IQCM: variants seen among roughly 807,000 people sequenced by gnomAD.
IQCM encodes the protein IQ motif containing M, also known as IQ domain-containing protein M.
In IQCM, 45 loss-of-function variants were observed where a neutral mutation model predicts 57.6. The ratio of observed to expected loss-of-function variants is 0.78; its 90% confidence interval spans 0.62 to 1.00. The LOEUF (loss-of-function observed/expected upper bound fraction) is 1.00, where lower values mean the gene tolerates loss of function less well. IQCM is among the 50% of genes least tolerant of loss of function. The pLI is 0.00. For missense variants in IQCM, 468 were observed against 511.6 expected (o/e 0.91, Z 0.82); for synonymous variants, 148 against 158.9 (o/e 0.93, Z 0.51).
intron 7 of IQCM, among the ~76,000 whole-genome samples, chr4:149,659,973 T>G (rs1249266570): frequency 6.6e-6 from 1 of 151,242 alleles, no homozygotes; most frequent in Non-Finnish European, 1.5e-5. Flanking sequence ...AAGCCAAAAT[T>G]GACAAATGGG....
At position 149,640,327 on chromosome 4, in the gene IQCM, C is replaced by A. The variant is rs576769415; in HGVS notation, c.566-19083G>T. 2.0e-5 allele frequency among the ~76,000 whole-genome samples: 3 copies of A among 152,180 alleles called. No homozygotes were observed. In the South Asian group the frequency reaches 6.2e-4, roughly 32 times the overall value. ...ATACTCTATTAGTTACTTTAAAATG[C>A]AGAACAATATTGTATTAAATTATTC... On this transcript the variant is annotated intron_variant, in intron 7 of 13. Transcript: ENST00000636793.
intron 7 of IQCM, among the ~76,000 whole-genome samples, chr4:149,670,829 A>G (rs1457592824): frequency 3.3e-5 from 5 of 152,264 alleles, no homozygotes; most frequent in East Asian, 1.9e-4. Context: ...GATGAAGCCA[A>G]TTCTATCATG....
At chr4:149,388,502 A>ATATATATTATACATATATATTATATATAT (rs1319450333) in intron 13 of IQCM, among the ~76,000 whole-genome samples, 4 of 143,482 alleles carry the variant, frequency 2.8e-5, no homozygotes, top group African/African-American at 5.1e-5. Context: ...GTCCAAATAT[A>ATATATATTATACATATATATTATATATAT]TATATATTAT....
chr4:149,475,665 G>A (rs1392240501), intron 12 of IQCM, among the ~76,000 whole-genome samples: 1 of 151,998 alleles, frequency 6.6e-6, no homozygotes, highest in African/African-American at 2.4e-5. Context: ...CAGCAAAGGA[G>A]AATGAGAATG....
At chr4:149,814,646 T>C (rs570323414) in intron 2 of IQCM, among the ~76,000 whole-genome samples, 44 of 152,120 alleles carry the variant, frequency 2.9e-4, no homozygotes, top group Non-Finnish European at 5.3e-4. Flanking sequence ...CTAAAACCAC[T>C]ATTCACCTCT....
chr4:149,785,136 AAAT>A (rs1771962184), intron 2 of IQCM, among the ~76,000 whole-genome samples: 1 of 152,198 alleles, frequency 6.6e-6, no homozygotes, highest in Admixed American at 6.5e-5. Flanking sequence ...TAGGCAGGAA[AAAT>A]AATAACTTTT....
At chr4:149,532,003 G>A (rs1394951055) in intron 12 of IQCM, among the ~76,000 whole-genome samples, 1 of 151,948 alleles carries the variant, frequency 6.6e-6, no homozygotes, top group East Asian at 1.9e-4. Context: ...TGCCTGACAC[G>A]AGGGCCAGCT....
At chr4:149,766,619 A>G (rs1428418736) in intron 2 of IQCM, among the ~76,000 whole-genome samples, 1 of 152,140 alleles carries the variant, frequency 6.6e-6, no homozygotes, top group Non-Finnish European at 1.5e-5. Context: ...ACTATCAGAA[A>G]ATAAAGCCCA....
chr4:149,786,137 C>G (rs990973490), intron 2 of IQCM, among the ~76,000 whole-genome samples: 2 of 152,140 alleles, frequency 1.3e-5, no homozygotes, highest in Admixed American at 1.3e-4. Context: ...CATTTCTGGA[C>G]TTTGGAAATC....
In IQCM at chr4:149,441,607, C is replaced by T. The variant is rs77354498; in HGVS notation, c.1229-8050G>A. 1.1e-3 allele frequency among the ~76,000 whole-genome samples: 175 copies of T among 152,188 alleles called. 1 individual carries two copies. The highest frequency in any genetic ancestry group is 4.1e-3 in the African/African-American group (172 of 41,542). On this transcript the variant is annotated intron_variant, in intron 12 of 13. Coordinates refer to ENST00000636793, the MANE Select transcript of IQCM (RefSeq NM_001363507.2). ...TCCTGCCTGTACACTTTTGGGAGTC[C>T]AGAAGCCTTCTTTCCATTAATACGG...
rs550859744 is a variant in IQCM, at chr4:149,462,217, G to C, written c.1229-28660C>G. ...TTCTGCACTTCTAACATAAGCCCAA[G>C]TGACATCAATGTAGCGGATACCACC... On this transcript the variant is annotated intron_variant, in intron 12 of 13. Transcript: ENST00000636793. Among the ~76,000 whole-genome samples, 6 of 152,280 alleles carry C rather than the reference G, an allele frequency of 3.9e-5. No individual in the cohort carries two copies. In the East Asian group the frequency reaches 1.2e-3, roughly 29 times the overall value.
chr4:149,502,408 AT>A (rs1485428860), intron 12 of IQCM, among the ~76,000 whole-genome samples: 1 of 152,158 alleles, frequency 6.6e-6, no homozygotes, highest in Non-Finnish European at 1.5e-5. Context: ...AAGGCTCATG[AT>A]TTAAACCCAA....
rs532201487 is a variant in IQCM at position 149,507,265 on chromosome 4, C to T, written c.1228+41190G>A. On this transcript the variant is annotated intron_variant, in intron 12 of 13. Transcript: ENST00000636793. The stretch of plus-strand genomic sequence containing the variant: ...AGTAAATTGGAACAGCAGAGTGAGG[C>T]GCTGCTGGAAAGATATCTGAAAGTG... Among the ~76,000 whole-genome samples, 20 of 152,210 alleles carry T rather than the reference C, an allele frequency of 1.3e-4. No homozygotes were observed. The East Asian group carries it at 2.3e-3, about 18-fold the overall frequency.
At chr4:149,556,222 A>G (rs1749564566) in intron 10 of IQCM, among the ~76,000 whole-genome samples, 2 of 152,174 alleles carry the variant, frequency 1.3e-5, no homozygotes, top group South Asian at 4.1e-4. Context: ...CTTAATGGAC[A>G]AATGTATTAT....
intron 8 of IQCM, among the ~76,000 whole-genome samples, chr4:149,609,409 A>T (rs541009985): frequency 6.6e-6 from 1 of 151,900 alleles, no homozygotes; most frequent in African/African-American, 2.4e-5. Context: ...TATTATGCTG[A>T]TACAAAAACC....
chr4:149,379,536 A>T (rs1461653062), intron 13 of IQCM, among the ~76,000 whole-genome samples: 3 of 152,192 alleles, frequency 2.0e-5, no homozygotes, highest in Non-Finnish European at 4.4e-5. Flanking sequence ...GCTGGATTTC[A>T]GACTTGCATG....
At chr4:149,694,256 G>A (rs1239985520) in intron 5 of IQCM, among the ~76,000 whole-genome samples, 4 of 116,690 alleles carry the variant, frequency 3.4e-5, no homozygotes, top group African/African-American at 1.0e-4. Flanking sequence ...ACGGAGTCTC[G>A]CTCTGTCGCC....
chr4:149,502,445 A>G (rs1038832457), intron 12 of IQCM, among the ~76,000 whole-genome samples: 1 of 152,122 alleles, frequency 6.6e-6, no homozygotes, highest in Admixed American at 6.6e-5. Context: ...AGGTGAGAGG[A>G]TGGCTTGAGC....
chr4:149,711,026 A>C (rs1000076621), intron 5 of IQCM: 1 of 152,202 alleles, frequency 6.6e-6, no homozygotes, highest in Non-Finnish European at 1.5e-5. Context: ...GAAAGTACTC[A>C]ATTGCTACAG....
Sources: gnomAD v4.1 joint callset for allele counts (sites outside exome capture counted in the v4.1 genomes callset) on GRCh38, gnomAD v4.1.1 for gene constraint, MANE v1.5 for transcripts, NCBI Gene and HGNC (gene_info 2026-07-23, HGNC 2026-07-21) for gene names.